MORN1: variants seen among roughly 807,000 people sequenced by gnomAD.
MORN1 encodes MORN repeat-containing protein 1.
A neutral mutation model predicts 61.9 loss-of-function variants in MORN1; 67 were observed. That is an observed-to-expected ratio of 1.08 (90% CI 0.89 to 1.33). The LOEUF is 1.33. Ranked by LOEUF, MORN1 falls within the 40% of genes most tolerant of loss-of-function variation. The probability of loss-of-function intolerance (pLI) is 0.00; values close to 1 mark genes in which losing one functional copy is unlikely to be tolerated. For synonymous variants in MORN1, 301 were observed against 292.0 expected, an observed-to-expected ratio of 1.03 and a Z score of -0.31; for missense variants, 752 against 691.2, an observed-to-expected ratio of 1.09 and a Z score of -0.99.
chr1:2,387,292 C>T (rs1315654358), intron 4 of MORN1, 127 bp downstream of exon 4: 1 of 744,196 alleles, frequency 1.3e-6, no homozygotes, highest in Non-Finnish European at 2.4e-6. Flanking sequence ...CATGGGCCCC[C>T]TACCTCCTTT....
chr1:2,367,306 CAAAAAAAAA>C (rs56188781), intron 8 of MORN1, among the ~76,000 whole-genome samples: 14 of 132,812 alleles, frequency 1.1e-4, no homozygotes, highest in Non-Finnish European at 1.9e-4. Context: ...ATTGCTCTAT[CAAAAAAAAA>C]AAAAAAAAAG....
intron 4 of MORN1, chr1:2,387,092 A>C: frequency 2.7e-6 from 1 of 371,982 alleles, no homozygotes; most frequent in Non-Finnish European, 5.1e-6. Flanking sequence ...CCCTCCCTGC[A>C]GGGCCCAGGC....
At chr1:2,385,579 C>T (rs374126148) in intron 5 of MORN1, 34 of 353,780 alleles carry the variant, frequency 9.6e-5, no homozygotes, top group East Asian at 4.6e-4. Flanking sequence ...TATCTAAACA[C>T]ACAATTGGTC....
intron 10 of MORN1, among the ~76,000 whole-genome samples, chr1:2,347,076 G>A (rs905253847): frequency 6.6e-5 from 10 of 152,276 alleles, no homozygotes; most frequent in African/African-American, 2.4e-4. Context: ...TGGGAGATGG[G>A]GAGCTCTTGG....
intron 13 of MORN1, chr1:2,323,198 G>A (rs538256790): frequency 2.0e-6 from 2 of 985,410 alleles, no homozygotes; most frequent in Non-Finnish European, 2.4e-6. Flanking sequence ...GGGACACCGC[G>A]TGGCACTCCA....
intron 8 of MORN1, chr1:2,363,477 C>A (rs1255251809): frequency 6.6e-6 from 1 of 152,120 alleles, no homozygotes; most frequent in Non-Finnish European, 1.5e-5. Flanking sequence ...TAACAGAGGG[C>A]CAGGCGTGGT....
At chr1:2,374,327 G>C (rs559880902) in intron 7 of MORN1, 134 bp downstream of exon 7, 1 of 685,834 alleles carries the variant, frequency 1.5e-6, no homozygotes, top group South Asian at 1.9e-5. Context: ...AAAAGGGGTG[G>C]GGTTTTATAT....
chr1:2,327,866 G>A (rs1641070678), intron 12 of MORN1, among the ~76,000 whole-genome samples: 1 of 152,278 alleles, frequency 6.6e-6, no homozygotes, highest in South Asian at 2.1e-4. Context: ...CCAAGGCCCC[G>A]CATCGCGCCT....
At chr1:2,333,549 C>G (rs1641204927) in intron 12 of MORN1, among the ~76,000 whole-genome samples, 1 of 152,216 alleles carries the variant, frequency 6.6e-6, no homozygotes, top group South Asian at 2.1e-4. Flanking sequence ...CGAGGGAGGT[C>G]TCGGACCTCA....
rs898677301 is a variant in MORN1 at position 2,355,077 on chromosome 1, C to T, written c.1036+2355G>A. ...CCCCAGACTCAGGCAGTGGGGCCGG[C>T]GCGGGGGGCCCGCGCGGGGTAGGGT... On this transcript the variant is annotated intron_variant, in intron 10 of 13. Coordinates refer to ENST00000378531, the MANE Select transcript of MORN1 (RefSeq NM_024848.3). 17 of 854,408 alleles carry T rather than the reference C, an allele frequency of 2.0e-5. No individual in the cohort carries two copies. In the South Asian group the frequency reaches 4.4e-4, roughly 22 times the overall value. 52.9% of individuals were successfully genotyped at this position (854,408 alleles called of 1,614,324 possible). A position where few individuals can be genotyped will look rare whatever the true frequency, so the allele number is the denominator to read the frequency against.
chr1:2,385,711 C>T lies in MORN1; in HGVS notation c.449+96G>A, dbSNP rs184252020. The stretch of plus-strand genomic sequence containing the variant: ...GGGCCGGAACAGGCCCGGGGTGTCC[C>T]ATGGCAGTCCTGTCTACACCCCCAG... On this transcript the variant is annotated intron_variant, in intron 5 of 13. Coordinates refer to ENST00000378531, the MANE Select transcript of MORN1 (RefSeq NM_024848.3). The T allele has an allele frequency of 4.5e-4, 525 of 1,155,330 alleles. 1 individual carries two copies. The highest frequency in any genetic ancestry group is 3.7e-3 in the African/African-American group (245 of 66,248). 71.6% of individuals were successfully genotyped at this position (1,155,330 alleles called of 1,614,324 possible).
chr1:2,381,274 C>G lies in MORN1; in HGVS notation c.537+3704G>C, dbSNP rs1310311392. 5.9e-5 allele frequency among the ~76,000 whole-genome samples: 9 copies of G among 152,368 alleles called. No homozygotes were observed. The East Asian group carries it at 1.7e-3, about 29-fold the overall frequency. On this transcript the variant is annotated intron_variant, in intron 6 of 13. Coordinates refer to ENST00000378531, the MANE Select transcript of MORN1 (RefSeq NM_024848.3). ...ATGGGAGCCCAGCCTGTCCTTTTGG[C>G]CTCGGGCGCCCTTCTCAGCGTCTAC...
chr1:2,387,637 T>C, intron 3 of MORN1, 108 bp from the exon 4 acceptor site: 4 of 750,064 alleles, frequency 5.3e-6, no homozygotes, highest in East Asian at 2.6e-5. Flanking sequence ...CATTCCAGAA[T>C]GGACGTCCCT....
chr1:2,336,160 T>C (rs898261426), intron 12 of MORN1, among the ~76,000 whole-genome samples: 10 of 152,220 alleles, frequency 6.6e-5, no homozygotes, highest in African/African-American at 2.2e-4. Context: ...GCACCCCTCC[T>C]GCCTCTCTGC....
chr1:2,342,867 A>ATTTATTTTATTTTAT (rs1553211058), intron 10 of MORN1, among the ~76,000 whole-genome samples: 52 of 101,112 alleles, frequency 5.1e-4, no homozygotes, highest in East Asian at 5.1e-3. Flanking sequence ...ATTTTATTTT[A>ATTTATTTTATTTTAT]TTTATTTTAT....
chr1:2,371,771 C>T (rs1251839367), intron 8 of MORN1: 1 of 161,620 alleles, frequency 6.2e-6, no homozygotes, highest in South Asian at 1.3e-4. Context: ...ATTAGTGGGG[C>T]ATGATGGCAC....
At chr1:2,376,800 C>T (rs1642247897) in intron 6 of MORN1, 1 of 152,166 alleles carries the variant, frequency 6.6e-6, no homozygotes, top group African/African-American at 2.4e-5. Context: ...TTTGAGTGAT[C>T]AATTCAACTG....
chr1:2,391,093 T>G (rs1295979614), intron 1 of MORN1, among the ~76,000 whole-genome samples: 1 of 152,216 alleles, frequency 6.6e-6, no homozygotes. Context: ...GGAGGCTTGG[T>G]GCTGCTCCTG....
At chr1:2,360,197 A>G (rs1641863225) in intron 8 of MORN1, among the ~76,000 whole-genome samples, 1 of 152,200 alleles carries the variant, frequency 6.6e-6, no homozygotes, top group Non-Finnish European at 1.5e-5. Flanking sequence ...GGTTAACAGG[A>G]ACCCAGCCTC....
Sources: allele counts gnomAD v4.1 joint callset (sites outside exome capture counted in the v4.1 genomes callset), GRCh38; gene constraint gnomAD v4.1.1; transcripts MANE v1.5; gene names NCBI Gene and HGNC (gene_info 2026-07-23, HGNC 2026-07-21).